SLC24A2: variants seen among roughly 807,000 people sequenced by gnomAD.
SLC24A2 encodes the protein sodium/potassium/calcium exchanger 2.
In SLC24A2, 36 loss-of-function variants were observed where a neutral mutation model predicts 62.0. That is an observed-to-expected ratio of 0.58 (90% CI 0.44 to 0.77). The LOEUF (loss-of-function observed/expected upper bound fraction) is 0.77. SLC24A2 is among the 30% of genes least tolerant of loss of function. The pLI, the probability that SLC24A2 is intolerant of heterozygous loss-of-function variation, is 0.00. For missense variants in SLC24A2, 846 were observed against 817.9 expected, an observed-to-expected ratio of 1.03 and a Z score of -0.42; for synonymous variants, 358 against 294.0, an observed-to-expected ratio of 1.22 and a Z score of -2.23.
the SLC24A2 span, among the ~76,000 whole-genome samples, chr9:20,162,156 G>A: frequency 6.6e-6 from 1 of 151,686 alleles, no homozygotes; most frequent in South Asian, 2.1e-4. Flanking sequence ...TCCAGGGACT[G>A]AGGCAGGAGT....
At chr9:20,214,021 T>C in the SLC24A2 span, among the ~76,000 whole-genome samples, 1 of 152,204 alleles carries the variant, frequency 6.6e-6, no homozygotes, top group East Asian at 1.9e-4. Context: ...TCCATCCATA[T>C]TGTCGTGAGT....
At chr9:19,528,001 AG>A (rs1833518729) in intron 9 of SLC24A2, 47 bp downstream of exon 9, 2 of 1,137,974 alleles carry the variant, frequency 1.8e-6, no homozygotes, top group Non-Finnish European at 2.6e-6. Flanking sequence ...CTTGACAATC[AG>A]GACTGGAGAA....
chr9:19,595,173 C>G (rs1836671978), intron 5 of SLC24A2, among the ~76,000 whole-genome samples: 1 of 152,168 alleles, frequency 6.6e-6, no homozygotes, highest in Admixed American at 6.5e-5. Flanking sequence ...TGCTGCAGTA[C>G]ACAGCAGCAT....
chr9:20,009,067 C>G, the SLC24A2 span, among the ~76,000 whole-genome samples: 1 of 152,154 alleles, frequency 6.6e-6, no homozygotes, highest in Non-Finnish European at 1.5e-5. Flanking sequence ...CTTCCTTAAG[C>G]TAGCATAGTG....
At chr9:19,731,343 C>A (rs1044782771) in intron 2 of SLC24A2, among the ~76,000 whole-genome samples, 6 of 152,166 alleles carry the variant, frequency 3.9e-5, no homozygotes, top group African/African-American at 1.4e-4. Context: ...TGTGTACCAA[C>A]CCCACCCACA....
chr9:19,576,438 A>T (rs1368727582), intron 6 of SLC24A2, among the ~76,000 whole-genome samples: 1 of 152,200 alleles, frequency 6.6e-6, no homozygotes, highest in Admixed American at 6.5e-5. Flanking sequence ...ATCATCTCAA[A>T]AGGACTCTGT....
At chr9:19,695,626 A>G (rs557849033) in intron 2 of SLC24A2, among the ~76,000 whole-genome samples, 2 of 143,500 alleles carry the variant, frequency 1.4e-5, no homozygotes, top group South Asian at 2.2e-4. Context: ...ATTCTTGTAC[A>G]TGTCACTAGG....
the SLC24A2 span, among the ~76,000 whole-genome samples, chr9:20,037,819 G>T: frequency 3.9e-5 from 6 of 152,312 alleles, no homozygotes; most frequent in South Asian, 1.2e-3. Flanking sequence ...TCTAGTAGGT[G>T]GGGGCCAGGG....
At chr9:19,838,093 A>T in the SLC24A2 span, among the ~76,000 whole-genome samples, 1 of 152,054 alleles carries the variant, frequency 6.6e-6, no homozygotes, top group East Asian at 1.9e-4. Flanking sequence ...GGAACCAAAA[A>T]AGAGCCCGCA....
intron 2 of SLC24A2, among the ~76,000 whole-genome samples, chr9:19,783,413 C>T (rs1291318406): frequency 6.6e-6 from 1 of 152,154 alleles, no homozygotes. Flanking sequence ...CTGAAGGCCG[C>T]ATTTGGCTTA....
chr9:19,707,815 A>C (rs1320778638), intron 2 of SLC24A2, among the ~76,000 whole-genome samples: 1 of 152,120 alleles, frequency 6.6e-6, no homozygotes, highest in East Asian at 1.9e-4. Flanking sequence ...ATGGGCAAAA[A>C]CTGGAAGCAT....
intron 2 of SLC24A2, among the ~76,000 whole-genome samples, chr9:19,623,061 A>G (rs1436017534): frequency 6.6e-6 from 1 of 152,186 alleles, no homozygotes; most frequent in Non-Finnish European, 1.5e-5. Context: ...CTGGAAGCGA[A>G]CGCAACTCAG....
chr9:20,214,741 C>T, the SLC24A2 span, among the ~76,000 whole-genome samples: 16,792 of 152,160 alleles, frequency 0.11, 1,113 homozygotes, highest in Middle Eastern at 0.16. Flanking sequence ...CTACTAAATT[C>T]CAAGCACTAC....
chr9:20,057,633 A>C, the SLC24A2 span, among the ~76,000 whole-genome samples: 4 of 152,226 alleles, frequency 2.6e-5, no homozygotes, highest in Non-Finnish European at 1.5e-5. Context: ...GTTCTCACCA[A>C]ATACATTCAT....
the SLC24A2 span, among the ~76,000 whole-genome samples, chr9:19,843,694 T>A: frequency 1.3e-5 from 2 of 152,196 alleles, no homozygotes; most frequent in South Asian, 4.2e-4. Flanking sequence ...CCCTATTCTA[T>A]TAGTCCCCAG....
the SLC24A2 span, among the ~76,000 whole-genome samples, chr9:19,990,437 C>A: frequency 6.6e-6 from 1 of 151,770 alleles, no homozygotes; most frequent in Non-Finnish European, 1.5e-5. Context: ...TGGTGAAACC[C>A]CGTCTCTACT....
At chr9:20,305,110 CTTTT>C in the SLC24A2 span, among the ~76,000 whole-genome samples, 4 of 135,276 alleles carry the variant, frequency 3.0e-5, no homozygotes, top group Admixed American at 7.4e-5. Context: ...AGGATAATAC[CTTTT>C]TTTTTTTTTT....
intron 7 of SLC24A2, among the ~76,000 whole-genome samples, chr9:19,566,962 G>C (rs12337191): frequency 0.11 from 16,772 of 151,632 alleles, 1,000 homozygotes; most frequent in African/African-American, 0.15. Context: ...GCCTGTTGTG[G>C]GGTGGGGGAG....
chr9:19,954,827 T>A, the SLC24A2 span, among the ~76,000 whole-genome samples: 1 of 152,110 alleles, frequency 6.6e-6, no homozygotes. Flanking sequence ...TCTGCCCACA[T>A]CTATAAGAAG....
Sources: allele counts gnomAD v4.1 joint callset (sites outside exome capture counted in the v4.1 genomes callset), GRCh38; gene constraint gnomAD v4.1.1; transcripts MANE v1.5; gene names NCBI Gene and HGNC (gene_info 2026-07-23, HGNC 2026-07-21).